Variants in ARIH1 observed in about 807,000 individuals in gnomAD.
ARIH1 encodes the protein E3 ubiquitin-protein ligase ARIH1.
In ARIH1, 8 loss-of-function variants were observed where a neutral mutation model predicts 85.0. That is an observed-to-expected ratio of 0.09 (90% CI 0.06 to 0.17). The LOEUF (loss-of-function observed/expected upper bound fraction) is 0.17. Among genes scored for constraint, ARIH1 ranks in the 10% least tolerant of loss-of-function variants. ARIH1 has a pLI of 1.00. For missense variants in ARIH1, 311 were observed against 718.1 expected, an observed-to-expected ratio of 0.43 and a Z score of 6.48; for synonymous variants, 238 against 253.6, an observed-to-expected ratio of 0.94 and a Z score of 0.59.
At chr15:72,512,510 G>T (rs1043901886) in intron 1 of ARIH1, among the ~76,000 whole-genome samples, 5 of 143,238 alleles carry the variant, frequency 3.5e-5, no homozygotes, top group Middle Eastern at 3.6e-3. Context: ...TTGTTTCTCG[G>T]TTTTTTTCTT....
chr15:72,593,417 A>G lies in ARIH1; in HGVS notation c.*10125A>G, dbSNP rs1251441973. The G allele has an allele frequency of 6.6e-6, 1 of 152,186 alleles. No homozygotes were observed. The highest frequency in any genetic ancestry group is 2.4e-5 in the African/African-American group (1 of 41,442). The allele number at this position is 152,186 out of a possible 1,614,324, so 9.4% of individuals were successfully genotyped here. A position where few individuals can be genotyped will look rare whatever the true frequency, so the allele number is the denominator to read the frequency against. ...TTTATTTTATGGTTTTATGACCTCA[A>G]AGTCACAAAGAATATATTTTCTTCT... On this transcript the variant is annotated 3_prime_UTR_variant, in exon 14 of 14. Transcript: ENST00000379887.
rs10152350 is a variant in ARIH1, at chr15:72,505,308, A to C, written c.376-12759A>C. The stretch of plus-strand genomic sequence containing the variant: ...ATATTTTACATTTCTATTTATTTGA[A>C]ATTTCTTTTTGAATATTACCATATC... On this transcript the variant is annotated intron_variant, in intron 1 of 13. Coordinates refer to ENST00000379887, the MANE Select transcript of ARIH1 (RefSeq NM_005744.5). 4.4e-3 allele frequency among the ~76,000 whole-genome samples: 674 copies of C among 152,308 alleles called. 7 individuals carry two copies. Among genetic ancestry groups the C allele is most frequent in the African/African-American group, 0.016 (649 of 41,566 alleles).
chr15:72,536,010 G>A (rs906046319), intron 2 of ARIH1, among the ~76,000 whole-genome samples: 2 of 152,126 alleles, frequency 1.3e-5, no homozygotes, highest in Non-Finnish European at 1.5e-5. Context: ...TTGTTGAAAT[G>A]CCAGGGACCT....
intron 11 of ARIH1, among the ~76,000 whole-genome samples, chr15:72,578,922 T>G (rs1005403821): frequency 1.3e-5 from 2 of 150,736 alleles, no homozygotes; most frequent in Non-Finnish European, 3.0e-5. Context: ...GTAGATGGGA[T>G]TACAGGCACA....
chr15:72,528,143 ACTC>A (rs2064038639), intron 2 of ARIH1, among the ~76,000 whole-genome samples: 1 of 152,070 alleles, frequency 6.6e-6, no homozygotes, highest in Admixed American at 6.6e-5. Flanking sequence ...ACATTTAAAA[ACTC>A]ATTTCAGTTG....
At chr15:72,515,284 C>T (rs1251553592) in intron 1 of ARIH1, among the ~76,000 whole-genome samples, 3 of 151,934 alleles carry the variant, frequency 2.0e-5, no homozygotes, top group Admixed American at 1.3e-4. Flanking sequence ...TTGTGGGAGC[C>T]GAGATCGTGC....
chr15:72,507,396 AG>A (rs1265439934), intron 1 of ARIH1, among the ~76,000 whole-genome samples: 1 of 152,168 alleles, frequency 6.6e-6, no homozygotes, highest in African/African-American at 2.4e-5. Context: ...GTGTGCATCC[AG>A]ATTATGATTC....
At position 72,520,451 on chromosome 15, in the gene ARIH1, G is replaced by A. The variant is rs537177578; in HGVS notation, c.443+2317G>A. Reference sequence around the variant, plus strand: ...TAGGAGTGTCTTTTGTAAATACCATGTAGGTGCCGTTTAAAAAAATCTGAA... The same window carrying A: ...TAGGAGTGTCTTTTGTAAATACCATATAGGTGCCGTTTAAAAAAATCTGAA... On this transcript the variant is annotated intron_variant, in intron 2 of 13. Transcript: ENST00000379887. Among the ~76,000 whole-genome samples, 18 of 149,996 alleles carry A rather than the reference G, an allele frequency of 1.2e-4. No individual in the cohort carries two copies. The South Asian group carries it at 3.8e-3, about 31-fold the overall frequency.
rs2140440802 is a variant in ARIH1, at chr15:72,582,373, G to A, written c.1589+186G>A. ...ATAGTATTGGTGAAGCATACATAGAGAAGGAATTCAGCCATTTATTCTATT... is the reference window on the plus strand; with the variant it reads ...ATAGTATTGGTGAAGCATACATAGAAAAGGAATTCAGCCATTTATTCTATT... On this transcript the variant is annotated intron_variant, in intron 13 of 13. Coordinates refer to ENST00000379887, the MANE Select transcript of ARIH1 (RefSeq NM_005744.5). This position sits in a 1 kb window ranked among gnomAD's most constrained non-coding sequence, Gnocchi z 4.6. 6.6e-6 allele frequency among the ~76,000 whole-genome samples: 1 copy of A among 152,248 alleles called. No homozygotes were observed.
In ARIH1 at chr15:72,599,955, A is replaced by T. The variant is rs1301792920; in HGVS notation, c.*16663A>T. 1 of 60,928 alleles carries T rather than the reference A, an allele frequency of 1.6e-5. No individual in the cohort carries two copies. The highest frequency in any genetic ancestry group is 2.6e-5 in the African/African-American group (1 of 38,538). 3.8% of individuals were successfully genotyped at this position (60,928 alleles called of 1,614,324 possible). A position where few individuals can be genotyped will look rare whatever the true frequency, so the allele number is the denominator to read the frequency against. Reference sequence around the variant, plus strand: ...TGAAGCTTCATATTATTTTGAAGTGATATTTCCCAGTGTTGGCTGGACTCT... The same window carrying T: ...TGAAGCTTCATATTATTTTGAAGTGTTATTTCCCAGTGTTGGCTGGACTCT... On this transcript the variant is annotated 3_prime_UTR_variant, in exon 14 of 14. Transcript: ENST00000379887.
At chr15:72,523,939 CTTTTTTT>C (rs397853910) in intron 2 of ARIH1, among the ~76,000 whole-genome samples, 1 of 61,672 alleles carries the variant, frequency 1.6e-5, no homozygotes, top group African/African-American at 5.5e-5. Context: ...ACTTTTACAT[CTTTTTTT>C]TTTTTTTTTT....
At chr15:72,518,178 A>G (rs762920543) in intron 2 of ARIH1, 44 bp downstream of exon 2, 1 of 1,513,934 alleles carries the variant, frequency 6.6e-7, no homozygotes, top group Non-Finnish European at 9.1e-7. Context: ...AGTAACACAG[A>G]AAGCCTATTG....
chr15:72,554,074 A>C (rs2064164413), intron 3 of ARIH1, among the ~76,000 whole-genome samples: 1 of 152,212 alleles, frequency 6.6e-6, no homozygotes, highest in Admixed American at 6.5e-5. Context: ...ATGGCTGAAT[A>C]ATATTTTATT....
intron 3 of ARIH1, among the ~76,000 whole-genome samples, chr15:72,546,519 T>G (rs2064129611): frequency 6.6e-6 from 1 of 152,062 alleles, no homozygotes; most frequent in Non-Finnish European, 1.5e-5. Flanking sequence ...TGAGACGGCC[T>G]TGCTCTGTTG....
intron 1 of ARIH1, chr15:72,475,307 C>G: frequency 2.2e-6 from 1 of 456,668 alleles, no homozygotes; most frequent in Non-Finnish European, 3.6e-6. Context: ...GTCCCTGGGC[C>G]GGGTGTCCTT....
chr15:72,490,692 T>C (rs1445204245), intron 1 of ARIH1, among the ~76,000 whole-genome samples: 4 of 151,978 alleles, frequency 2.6e-5, no homozygotes, highest in Non-Finnish European at 1.5e-5. Flanking sequence ...CACATCTTTA[T>C]CATTCATGAC....
intron 1 of ARIH1, among the ~76,000 whole-genome samples, chr15:72,479,173 A>C (rs544325395): frequency 6.6e-6 from 1 of 152,194 alleles, no homozygotes; most frequent in Non-Finnish European, 1.5e-5. Context: ...TCACTGCAGC[A>C]TTTTGGATTT....
chr15:72,564,906 A>G (rs1160295443), intron 7 of ARIH1, among the ~76,000 whole-genome samples: 1 of 152,102 alleles, frequency 6.6e-6, no homozygotes, highest in Non-Finnish European at 1.5e-5. Flanking sequence ...CCACATCCTA[A>G]TACTGTCACA....
At chr15:72,568,682 A>C (rs1265056659) in intron 9 of ARIH1, among the ~76,000 whole-genome samples, 1 of 152,234 alleles carries the variant, frequency 6.6e-6, no homozygotes, top group Non-Finnish European at 1.5e-5. Context: ...GTTTAATACT[A>C]TTAGGTTAAT....
Sources: gnomAD v4.1 joint callset for allele counts (sites outside exome capture counted in the v4.1 genomes callset) on GRCh38, gnomAD v4.1.1 for gene constraint, Gnocchi (gnomAD v3.1) non-coding constraint, MANE v1.5 for transcripts, NCBI Gene and HGNC (gene_info 2026-07-23, HGNC 2026-07-21) for gene names.